The following PTPN3 variants were observed in gnomAD, a reference collection of about 807,000 sequenced individuals.
PTPN3 encodes tyrosine-protein phosphatase non-receptor type 3.
PTPN3 carries 96 observed loss-of-function variants against 132.7 expected under a neutral mutation model. The ratio of observed to expected loss-of-function variants is 0.72; its 90% confidence interval spans 0.61 to 0.86. PTPN3 has a LOEUF of 0.86. Ranked by LOEUF, PTPN3 falls within the 40% of genes least tolerant of loss-of-function variation. The pLI is 0.00. For synonymous variants in PTPN3, 398 were observed against 429.0 expected, an observed-to-expected ratio of 0.93 and a Z score of 0.89; for missense variants, 1,125 against 1,159.6, an observed-to-expected ratio of 0.97 and a Z score of 0.43.
chr9:109,395,029 A>G (rs1486662301), intron 19 of PTPN3, among the ~76,000 whole-genome samples: 1 of 151,716 alleles, frequency 6.6e-6, no homozygotes, highest in Non-Finnish European at 1.5e-5. Context: ...AGTCCCAGCT[A>G]CTCGGGAGGC....
At chr9:109,433,200 G>A (rs1349151034) in intron 9 of PTPN3, 39 bp from the exon 10 acceptor site, 5 of 1,611,706 alleles carry the variant, frequency 3.1e-6, no homozygotes, top group Non-Finnish European at 4.2e-6. Flanking sequence ...GCATGTTACA[G>A]TCATGCTTAT....
chr9:109,491,726 AGGCTCT>A (rs957304309), intron 1 of PTPN3, among the ~76,000 whole-genome samples: 26 of 152,316 alleles, frequency 1.7e-4, no homozygotes, highest in South Asian at 4.2e-4. Flanking sequence ...AGGTGAGCAA[AGGCTCT>A]GCAATCATGG....
the PTPN3 span, among the ~76,000 whole-genome samples, chr9:109,532,478 T>C: frequency 6.6e-6 from 1 of 152,068 alleles, no homozygotes; most frequent in East Asian, 1.9e-4. Flanking sequence ...AATCAAGTTG[T>C]AAACTTTCAT....
chr9:109,399,892 A>G (rs533246984), intron 19 of PTPN3, among the ~76,000 whole-genome samples: 1 of 150,316 alleles, frequency 6.7e-6, no homozygotes, highest in Non-Finnish European at 1.5e-5. Context: ...GAACTGGAAC[A>G]CCAGGACTAG....
intron 13 of PTPN3, 106 bp downstream of exon 13, chr9:109,422,612 T>C (rs1842956644): frequency 1.7e-5 from 23 of 1,324,360 alleles, no homozygotes; most frequent in Admixed American, 5.0e-5. Flanking sequence ...AAAATGCAAA[T>C]TGTAGGTCAT....
At chr9:109,480,732 T>C (rs1370676897) in intron 1 of PTPN3, among the ~76,000 whole-genome samples, 1 of 152,198 alleles carries the variant, frequency 6.6e-6, no homozygotes, top group African/African-American at 2.4e-5. Context: ...TTAGCTGCTC[T>C]GGTCTTGCTG....
intron 9 of PTPN3, among the ~76,000 whole-genome samples, chr9:109,435,835 C>G (rs921535923): frequency 6.6e-6 from 1 of 152,240 alleles, no homozygotes; most frequent in South Asian, 2.1e-4. Context: ...AGTCCCAAAG[C>G]TGATATTTTG....
At chr9:109,466,983 T>A (rs190665114) in intron 1 of PTPN3, among the ~76,000 whole-genome samples, 4 of 152,106 alleles carry the variant, frequency 2.6e-5, no homozygotes, top group Non-Finnish European at 4.4e-5. Context: ...ACCTCCCTTC[T>A]TCCTTAGATA....
Position 109,381,708 on chromosome 9 carries a change from G to A in PTPN3, c.2608C>T (p.Pro870Ser). ...CGCATTTTTCGGACAATATCCAGTG[G>A]GTAAATGGGCAGGTTCCTCTCAGTT... ...CLTERNLPIY[P>S]LDIVRKMRDQ... is the part of the protein sequence containing the mutation. Residue 870 changes from proline to serine, a missense_variant, in exon 25 of 26, where the codon CCA (proline) becomes TCA (serine). Physicochemically the swap from Pro to Ser is moderately conservative, Grantham distance 74 (BLOSUM62 -1). Coordinates refer to ENST00000374541, the MANE Select transcript of PTPN3 (RefSeq NM_002829.4). The A allele has an allele frequency of 6.2e-7, 1 of 1,614,170 alleles. No individual in the cohort carries two copies. Among genetic ancestry groups the A allele is most frequent in the Non-Finnish European group, 8.5e-7 (1 of 1,179,978 alleles).
At chr9:109,488,746 G>A (rs1391195911) in intron 1 of PTPN3, among the ~76,000 whole-genome samples, 1 of 152,172 alleles carries the variant, frequency 6.6e-6, no homozygotes, top group Non-Finnish European at 1.5e-5. Flanking sequence ...CCCCTTGACC[G>A]AGTGTCTGGT....
the PTPN3 span, among the ~76,000 whole-genome samples, chr9:109,526,029 G>T: frequency 1.3e-5 from 2 of 152,158 alleles, no homozygotes; most frequent in South Asian, 4.2e-4. Context: ...TGAATGCAAG[G>T]TCAATATACA....
At chr9:109,471,564 C>A (rs1018318993) in intron 1 of PTPN3, among the ~76,000 whole-genome samples, 1 of 152,138 alleles carries the variant, frequency 6.6e-6, no homozygotes, top group Admixed American at 6.5e-5. Flanking sequence ...AATATCCAGT[C>A]CATACTAAAA....
At chr9:109,535,517 T>TC in the PTPN3 span, among the ~76,000 whole-genome samples, 1 of 152,118 alleles carries the variant, frequency 6.6e-6, no homozygotes, top group Non-Finnish European at 1.5e-5. Flanking sequence ...CTTTTTTTTT[T>TC]CTTTTTTTGA....
intron 1 of PTPN3, among the ~76,000 whole-genome samples, chr9:109,467,694 G>C (rs1386293401): frequency 6.6e-6 from 1 of 152,210 alleles, no homozygotes; most frequent in Non-Finnish European, 1.5e-5. Context: ...ATGGGCTGAT[G>C]CTCCAATGGT....
At chr9:109,521,888 G>T in the PTPN3 span, among the ~76,000 whole-genome samples, 2 of 152,182 alleles carry the variant, frequency 1.3e-5, no homozygotes, top group Non-Finnish European at 2.9e-5. Context: ...GAAAATCATA[G>T]AAGGGACTCA....
the PTPN3 span, among the ~76,000 whole-genome samples, chr9:109,506,802 C>CT: frequency 6.6e-6 from 1 of 151,924 alleles, no homozygotes; most frequent in Non-Finnish European, 1.5e-5. Flanking sequence ...GGGGTTTTGC[C>CT]TTTTTGCCCA....
upstream of PTPN3, among the ~76,000 whole-genome samples, chr9:109,499,298 G>T (rs894651942): frequency 1.3e-5 from 2 of 151,986 alleles, no homozygotes; most frequent in African/African-American, 4.8e-5. Flanking sequence ...GCTGATGGAC[G>T]GTCTGATTGG....
chr9:109,497,658 G>C (rs893423097), intron 1 of PTPN3, among the ~76,000 whole-genome samples: 3 of 152,212 alleles, frequency 2.0e-5, no homozygotes, highest in Non-Finnish European at 4.4e-5. Context: ...TCTCACCGCA[G>C]GTACCTGATA....
At chr9:109,380,255 A>G (rs1289788550) in intron 25 of PTPN3, among the ~76,000 whole-genome samples, 1 of 151,278 alleles carries the variant, frequency 6.6e-6, no homozygotes, top group Non-Finnish European at 1.5e-5. Context: ...CTATCTATCT[A>G]TCTATCTATC....
Sources: allele counts gnomAD v4.1 joint callset (sites outside exome capture counted in the v4.1 genomes callset), GRCh38; gene constraint gnomAD v4.1.1; transcripts MANE v1.5; gene names NCBI Gene and HGNC (gene_info 2026-07-23, HGNC 2026-07-21).